Variants in ZNF280D observed in about 807,000 individuals in gnomAD.
ZNF280D encodes the protein zinc finger protein 280D.
In ZNF280D, 39 loss-of-function variants were observed where a neutral mutation model predicts 94.7. That is an observed-to-expected ratio of 0.41 (90% CI 0.32 to 0.54). ZNF280D has a LOEUF of 0.54. ZNF280D is among the 20% of genes least tolerant of loss of function. The probability of loss-of-function intolerance (pLI) is 0.22; values close to 1 mark genes in which losing one functional copy is unlikely to be tolerated. For synonymous variants in ZNF280D, 398 were observed against 377.6 expected, an observed-to-expected ratio of 1.05 and a Z score of -0.63; for missense variants, 1,090 against 1,149.3, an observed-to-expected ratio of 0.95 and a Z score of 0.75.
intron 19 of ZNF280D, chr15:56,653,640 G>A: frequency 1.4e-6 from 2 of 1,421,544 alleles, no homozygotes; most frequent in African/African-American, 1.5e-5. Flanking sequence ...GACAACGAAT[G>A]AGAAAAAGAC....
chr15:56,733,185 G>A (rs2058984232), intron 1 of ZNF280D, among the ~76,000 whole-genome samples: 1 of 152,234 alleles, frequency 6.6e-6, no homozygotes, highest in South Asian at 2.1e-4. Flanking sequence ...CGGAGGAGCA[G>A]AAGGCGAAGG....
chr15:56,712,594 C>CG (rs1491512768), intron 1 of ZNF280D, among the ~76,000 whole-genome samples: 4 of 76,982 alleles, frequency 5.2e-5, no homozygotes, highest in Non-Finnish European at 9.0e-5. Flanking sequence ...ACCCTCATAC[C>CG]AAAAAAAAAA....
At chr15:56,698,300 A>C (rs574931952) in intron 6 of ZNF280D, 2 of 152,206 alleles carry the variant, frequency 1.3e-5, no homozygotes, top group African/African-American at 4.8e-5. Context: ...TCATTACACA[A>C]TATTTTAAAA....
At chr15:56,705,414 C>A (rs2057345449) in intron 3 of ZNF280D, among the ~76,000 whole-genome samples, 2 of 152,170 alleles carry the variant, frequency 1.3e-5, no homozygotes, top group Admixed American at 1.3e-4. Context: ...TCACTCCAGT[C>A]TGGAGCAAAG....
rs370014021 is a variant in ZNF280D, at chr15:56,646,685, A to G, written c.2214-3688T>C. The stretch of plus-strand genomic sequence containing the variant: ...GTGTTCCAGTCCAAAGTTAAAAAAG[A>G]CTGTCTCTCCTCTCAAGGAGTTCAC... On this transcript the variant is annotated intron_variant, in intron 19 of 21. Transcript: ENST00000267807. Among the ~76,000 whole-genome samples the G allele has an allele frequency of 6.6e-5, 10 of 152,338 alleles. No individual in the cohort carries two copies. The South Asian group carries it at 2.1e-3, about 32-fold the overall frequency.
Position 56,632,131 on chromosome 15 carries a change from TAA to T in ZNF280D, c.2316-11_2316-10del, listed in dbSNP as rs2052106605. On this transcript the variant is annotated splice_polypyrimidine_tract_variant and intron_variant, in intron 21 of 21. Transcript: ENST00000267807. ...CAGCTTTATCTTGTTTACTGAAAAA[TAA>T]AGTCATTTATTATGTATTTCTTCAT... 6.5e-7 allele frequency: 1 copy of T among 1,541,222 alleles called. No individual in the cohort carries two copies. The highest frequency in any genetic ancestry group is 8.7e-7 in the Non-Finnish European group (1 of 1,148,188).
chr15:56,680,325 AC>A (rs2055533554), intron 10 of ZNF280D, among the ~76,000 whole-genome samples: 1 of 152,172 alleles, frequency 6.6e-6, no homozygotes, highest in East Asian at 1.9e-4. Flanking sequence ...CGAGGTGTTT[AC>A]CATTAAGGTT....
intron 6 of ZNF280D, chr15:56,698,016 C>A (rs1232950868): frequency 1.3e-5 from 2 of 152,116 alleles, no homozygotes; most frequent in Admixed American, 6.5e-5. Context: ...GAATATATAA[C>A]TGGAAAAGGG....
In ZNF280D at chr15:56,707,104, G is replaced by A. The variant is rs774081779; in HGVS notation, c.6C>T (p.Gly2=). ...TACTTTTTGGTTGAAAAGGGTTGTC[G>A]CCCATCAAGCTGCAGAGATGACTTT... M[G]DNPFQPKSNS... The change falls in exon 3 of 22, where the codon GGC becomes GGT. Residue 2 remains glycine, a synonymous_variant. Coordinates refer to ENST00000267807, the MANE Select transcript of ZNF280D (RefSeq NM_017661.4). 16 of 1,613,722 alleles carry A rather than the reference G, an allele frequency of 9.9e-6. No homozygotes were observed. Among genetic ancestry groups the A allele is most frequent in the South Asian group, 2.2e-5 (2 of 91,074 alleles).
At chr15:56,680,945 C>T (rs2055575887) in intron 10 of ZNF280D, among the ~76,000 whole-genome samples, 1 of 152,150 alleles carries the variant, frequency 6.6e-6, no homozygotes, top group African/African-American at 2.4e-5. Context: ...GGCATGACAT[C>T]AGAAATAGGT....
chr15:56,664,522 G>GT (rs2054161343), intron 16 of ZNF280D, among the ~76,000 whole-genome samples: 1 of 152,094 alleles, frequency 6.6e-6, no homozygotes, highest in African/African-American at 2.4e-5. Context: ...CTGATTGAAG[G>GT]TAACAGGAAA....
intron 1 of ZNF280D, among the ~76,000 whole-genome samples, chr15:56,713,374 G>A (rs934941040): frequency 2.0e-5 from 3 of 152,036 alleles, no homozygotes; most frequent in East Asian, 3.8e-4. Context: ...TACTTAAAAC[G>A]AGTTTTTCAG....
At position 56,730,972 on chromosome 15, in the gene ZNF280D, G is replaced by A. The variant is rs148325871; in HGVS notation, c.-86+2486C>T. 3.2e-3 allele frequency among the ~76,000 whole-genome samples: 483 copies of A among 152,246 alleles called. 5 individuals carry two copies. The highest frequency in any genetic ancestry group is 0.011 in the African/African-American group (460 of 41,550). On this transcript the variant is annotated intron_variant, in intron 1 of 21. Transcript: ENST00000267807. ...AGATCAAATTTAGGATTATTAATAA[G>A]ACAAGCCTACTTTATGTGCCTTTGG... is the stretch of plus-strand genomic sequence containing the variant.
chr15:56,667,417 A>T lies in ZNF280D; in HGVS notation c.1546-431T>A, dbSNP rs545906675. Among the ~76,000 whole-genome samples, 4 of 152,292 alleles carry T rather than the reference A, an allele frequency of 2.6e-5. No homozygotes were observed. The South Asian group carries it at 8.3e-4, about 32-fold the overall frequency. ...TATAAAAGAAACAGATCTACAGTAA[A>T]TGTGATCTCCTCTTTCCAGGGGCTC... On this transcript the variant is annotated intron_variant, in intron 14 of 21. Coordinates refer to ENST00000267807, the MANE Select transcript of ZNF280D (RefSeq NM_017661.4).
intron 16 of ZNF280D, among the ~76,000 whole-genome samples, chr15:56,664,220 TG>T (rs2140828026): frequency 6.6e-6 from 1 of 152,196 alleles, no homozygotes; most frequent in South Asian, 2.1e-4. Context: ...AGTTGGTAGG[TG>T]GGGGCAATAC....
Position 56,689,267 on chromosome 15 carries a change from A to G in ZNF280D, c.670+33T>C, listed in dbSNP as rs199810819. 52 of 1,582,122 alleles carry G rather than the reference A, an allele frequency of 3.3e-5. No homozygotes were observed. In the East Asian group the frequency reaches 4.7e-4, roughly 14 times the overall value. On this transcript the variant is annotated intron_variant, in intron 8 of 21. Coordinates refer to ENST00000267807, the MANE Select transcript of ZNF280D (RefSeq NM_017661.4). ...TCAAAAATGTATGTATAAATACTAT[A>G]ACTTCTTTTTATGTACCACATTTCA...
intron 1 of ZNF280D, among the ~76,000 whole-genome samples, chr15:56,710,434 G>GAA (rs766889761): frequency 7.2e-6 from 1 of 138,482 alleles, no homozygotes; most frequent in Admixed American, 7.3e-5. Context: ...AAATAGCCAG[G>GAA]AAAAAAAAAA....
chr15:56,664,270 C>A (rs1304108201), intron 16 of ZNF280D, among the ~76,000 whole-genome samples: 5 of 152,058 alleles, frequency 3.3e-5, no homozygotes, highest in Non-Finnish European at 7.4e-5. Flanking sequence ...AAGCTGGTAG[C>A]AAACACTTTT....
intron 19 of ZNF280D, among the ~76,000 whole-genome samples, chr15:56,648,603 G>A (rs72744948): frequency 0.022 from 3,407 of 152,056 alleles, 63 homozygotes; most frequent in Non-Finnish European, 0.033. Context: ...AGGTATGTGC[G>A]ACCTTGGGCA....
Sources: allele counts gnomAD v4.1 joint callset (sites outside exome capture counted in the v4.1 genomes callset), GRCh38; gene constraint gnomAD v4.1.1; transcripts MANE v1.5; gene names NCBI Gene and HGNC (gene_info 2026-07-23, HGNC 2026-07-21).